Variants in CCDC102B observed in about 807,000 individuals in gnomAD.
The protein encoded by CCDC102B is coiled-coil domain containing 102B, also known as coiled-coil domain-containing protein 102B.
CCDC102B carries 75 observed loss-of-function variants against 57.4 expected under a neutral mutation model. That is an observed-to-expected ratio of 1.31 (90% CI 1.08 to 1.58). The LOEUF is 1.58. Ranked by LOEUF, CCDC102B falls within the 40% of genes most tolerant of loss-of-function variation. The pLI, the probability that CCDC102B is intolerant of heterozygous loss-of-function variation, is 0.00. For missense variants in CCDC102B, 636 were observed against 582.6 expected, an observed-to-expected ratio of 1.09 and a Z score of -0.94; for synonymous variants, 206 against 201.9, an observed-to-expected ratio of 1.02 and a Z score of -0.17.
chr18:68,871,477 A>C (rs1369689957), intron 4 of CCDC102B, among the ~76,000 whole-genome samples: 1 of 152,276 alleles, frequency 6.6e-6, no homozygotes, highest in Non-Finnish European at 1.5e-5. Context: ...TGACAAAATT[A>C]AGGTTATTTT....
chr18:68,727,770 G>A (rs942479848), intron 2 of CCDC102B, among the ~76,000 whole-genome samples: 1 of 152,192 alleles, frequency 6.6e-6, no homozygotes, highest in Non-Finnish European at 1.5e-5. Context: ...TTCTTCATGG[G>A]AGAATAGACC....
intron 2 of CCDC102B, among the ~76,000 whole-genome samples, chr18:68,762,301 G>A (rs888184121): frequency 6.6e-6 from 1 of 152,060 alleles, no homozygotes; most frequent in African/African-American, 2.4e-5. Flanking sequence ...TGCCTTAAAT[G>A]TATTGTTGTT....
At chr18:68,896,586 T>C (rs961772904) in intron 5 of CCDC102B, among the ~76,000 whole-genome samples, 4 of 152,020 alleles carry the variant, frequency 2.6e-5, no homozygotes, top group Non-Finnish European at 5.9e-5. Context: ...GAAATGAGCG[T>C]GGCCATGTCC....
chr18:68,927,524 G>A (rs2041514100), intron 6 of CCDC102B, among the ~76,000 whole-genome samples: 1 of 151,902 alleles, frequency 6.6e-6, no homozygotes, highest in Admixed American at 6.6e-5. Flanking sequence ...ATTATATTGG[G>A]TAGAAATTTC....
chr18:68,840,965 G>T (rs1390487456), intron 3 of CCDC102B, among the ~76,000 whole-genome samples: 1 of 152,086 alleles, frequency 6.6e-6, no homozygotes, highest in South Asian at 2.1e-4. Flanking sequence ...AGAGAAAAAA[G>T]GAAGCTTTCC....
chr18:68,866,445 T>C (rs1166850014), intron 4 of CCDC102B: 1 of 152,698 alleles, frequency 6.5e-6, no homozygotes, highest in Non-Finnish European at 1.5e-5. Flanking sequence ...TATCATTGCT[T>C]ATAGTAAAGT....
chr18:68,881,850 A>C (rs2039704365), intron 5 of CCDC102B, among the ~76,000 whole-genome samples: 1 of 152,124 alleles, frequency 6.6e-6, no homozygotes, highest in Non-Finnish European at 1.5e-5. Context: ...ATACTGCTTT[A>C]CACCACCAAA....
At chr18:68,841,909 T>C (rs1400637352) in intron 3 of CCDC102B, among the ~76,000 whole-genome samples, 1 of 152,058 alleles carries the variant, frequency 6.6e-6, no homozygotes, top group Non-Finnish European at 1.5e-5. Flanking sequence ...TTTTTTATTT[T>C]TTTATTTTTA....
intron 1 of CCDC102B, among the ~76,000 whole-genome samples, chr18:68,814,588 A>AT (rs1433508171): frequency 6.6e-6 from 1 of 152,078 alleles, no homozygotes; most frequent in Admixed American, 6.5e-5. Flanking sequence ...AAATATAGCA[A>AT]TTTTCTCTAT....
intron 6 of CCDC102B, among the ~76,000 whole-genome samples, chr18:69,004,997 A>C (rs911346166): frequency 2.0e-5 from 3 of 152,208 alleles, no homozygotes; most frequent in Admixed American, 2.0e-4. Flanking sequence ...AATAACATTG[A>C]ATTTATTCTT....
chr18:68,800,345 G>A (rs543460921), intron 1 of CCDC102B, among the ~76,000 whole-genome samples: 10 of 152,188 alleles, frequency 6.6e-5, no homozygotes, highest in African/African-American at 2.2e-4. Flanking sequence ...GGAGGAGGTC[G>A]TGAGACAACA....
intron 6 of CCDC102B, among the ~76,000 whole-genome samples, chr18:68,948,010 A>G (rs1393554093): frequency 5.9e-5 from 9 of 152,112 alleles, no homozygotes; most frequent in South Asian, 2.1e-4. Context: ...TAATCCAAAC[A>G]TTTTTATATT....
At chr18:68,839,847 C>CTTATCA (rs1341654784) in intron 3 of CCDC102B, among the ~76,000 whole-genome samples, 2 of 152,130 alleles carry the variant, frequency 1.3e-5, no homozygotes. Context: ...AAAAGTCAGA[C>CTTATCA]CCACTTATCG....
chr18:68,874,781 C>G lies in CCDC102B; in HGVS notation c.1049C>G (p.Ala350Gly). 1 of 1,568,388 alleles carries G rather than the reference C, an allele frequency of 6.4e-7. No homozygotes were observed. The highest frequency in any genetic ancestry group is 8.8e-7 in the Non-Finnish European group (1 of 1,139,222). Residue 350 changes from alanine (A) to glycine (G), a missense_variant, in exon 5 of 8, where the codon GCA becomes GGA. Ala to Gly is a moderately conservative substitution (Grantham distance 60, BLOSUM62 0). Transcript: ENST00000360242. ...SKDRVICELR[A>G]ELERLQAENT... Reference sequence around the variant, plus strand: ...GACAGAGTGATTTGTGAGTTAAGAGCAGAGGTAAGACACTGGGTAAAGAGT... The same window carrying G: ...GACAGAGTGATTTGTGAGTTAAGAGGAGAGGTAAGACACTGGGTAAAGAGT...
chr18:68,826,823 T>G (rs532403053), intron 1 of CCDC102B, among the ~76,000 whole-genome samples: 1 of 152,304 alleles, frequency 6.6e-6, no homozygotes, highest in South Asian at 2.1e-4. Flanking sequence ...TAGCACCTGA[T>G]TGATCACATT....
intron 7 of CCDC102B, among the ~76,000 whole-genome samples, chr18:69,050,813 GA>G (rs34376232): frequency 3.3e-5 from 5 of 151,510 alleles, no homozygotes; most frequent in African/African-American, 4.8e-5. Context: ...TTTCGATCAG[GA>G]AAAAAAAGGC....
rs929751353 is a variant in CCDC102B, at chr18:69,055,015, T to C, written c.*878T>C. On this transcript the variant is annotated 3_prime_UTR_variant, in exon 8 of 8. Coordinates refer to ENST00000360242, the MANE Select transcript of CCDC102B (RefSeq NM_024781.3). Reference sequence around the variant, plus strand: ...TTAGTTTTTAAGGTAAAATGTTATTTTGAACAAAAAGACACTTATAATTTT... The same window carrying C: ...TTAGTTTTTAAGGTAAAATGTTATTCTGAACAAAAAGACACTTATAATTTT... 26 of 983,114 alleles carry C rather than the reference T, an allele frequency of 2.6e-5. No homozygotes were observed. The highest frequency in any genetic ancestry group is 5.2e-5 in the African/African-American group (3 of 57,180). 60.9% of individuals were successfully genotyped at this position (983,114 alleles called of 1,614,324 possible). A position where few individuals can be genotyped will look rare whatever the true frequency, so the allele number is the denominator to read the frequency against.
intron 6 of CCDC102B, among the ~76,000 whole-genome samples, chr18:69,000,827 CG>C (rs2051181782): frequency 6.6e-6 from 1 of 151,924 alleles, no homozygotes; most frequent in African/African-American, 2.4e-5. Context: ...TATTTGTAAG[CG>C]AAGTACATTA....
At chr18:69,036,202 A>G (rs1219589083) in intron 7 of CCDC102B, among the ~76,000 whole-genome samples, 1 of 152,072 alleles carries the variant, frequency 6.6e-6, no homozygotes, top group East Asian at 1.9e-4. Flanking sequence ...CTATTGTGTT[A>G]TATTTTATTT....
Sources: gnomAD v4.1 joint callset for allele counts (sites outside exome capture counted in the v4.1 genomes callset) on GRCh38, gnomAD v4.1.1 for gene constraint, MANE v1.5 for transcripts, NCBI Gene and HGNC (gene_info 2026-07-23, HGNC 2026-07-21) for gene names.